TFRC: variants seen among roughly 807,000 people sequenced by gnomAD.
TFRC encodes transferrin receptor.
Under a neutral mutation model 85.8 loss-of-function variants are expected in TFRC, and 35 were observed. The observed-to-expected ratio is 0.41, with a 90% CI of 0.31 to 0.54. The LOEUF (loss-of-function observed/expected upper bound fraction) is 0.54. TFRC is among the 20% of genes least tolerant of loss of function. TFRC has a pLI of 0.31. For missense variants in TFRC, 828 were observed against 921.5 expected (o/e 0.90, Z 1.31); for synonymous variants, 362 against 328.6 (o/e 1.10, Z -1.10).
Position 196,053,546 on chromosome 3 carries a change from T to G in TFRC, c.1912A>C (p.Ser638Arg). 7 of 1,614,160 alleles carry G rather than the reference T, an allele frequency of 4.3e-6. No homozygotes were observed. The highest frequency in any genetic ancestry group is 5.1e-6 in the Non-Finnish European group (6 of 1,180,016). The change falls in exon 18 of 19, where the codon AGT (serine) becomes CGT (arginine). Residue 638 changes from serine (S) to arginine (R), a missense_variant. Coordinates refer to ENST00000360110, the MANE Select transcript of TFRC (RefSeq NM_001128148.3). ...YRADIKEMGLSLQWLYSARGD... is the reference protein window; with the variant it reads ...YRADIKEMGLRLQWLYSARGD... ...CGAGCAGAATACAGCCACTGTAAAC[T>G]CAGGCCCATTTCCTGAAACAGACAT... is the stretch of plus-strand genomic sequence containing the variant.
intron 18 of TFRC, among the ~76,000 whole-genome samples, chr3:196,052,846 C>T (rs781072211): frequency 3.3e-5 from 5 of 152,132 alleles, no homozygotes; most frequent in Non-Finnish European, 7.4e-5. Flanking sequence ...GGCACAGCGG[C>T]TCACGCTTGT....
Position 196,082,077 on chromosome 3 carries a change from T to C in TFRC, c.-58A>G, listed in dbSNP as rs1719244210. ...TCCTCCGTCCCGAGCCGCCACCCGA[T>C]ATCCCGACGCTCTGAGGGGATGGCG... On this transcript the variant is annotated 5_prime_UTR_variant, in exon 1 of 19. It adds an upstream start codon to the 5' untranslated region. Transcript: ENST00000360110. The C allele has an allele frequency of 6.5e-6, 1 of 153,762 alleles. No individual in the cohort carries two copies. The highest frequency in any genetic ancestry group is 1.4e-5 in the Non-Finnish European group (1 of 68,970). The allele number at this position is 153,762 out of a possible 1,614,324, so 9.5% of individuals were successfully genotyped here.
At chr3:196,059,132 G>A (rs543142254) in intron 14 of TFRC, among the ~76,000 whole-genome samples, 15 of 152,186 alleles carry the variant, frequency 9.9e-5, no homozygotes, top group Non-Finnish European at 2.1e-4. Flanking sequence ...TGGCCAACAT[G>A]GTGAAACCCC....
At position 196,053,511 on chromosome 3, in the gene TFRC, G is replaced by A. The variant is rs1380061776; in HGVS notation, c.1947C>T (p.Phe649=). 3 of 1,614,200 alleles carry A rather than the reference G, an allele frequency of 1.9e-6. No homozygotes were observed. The South Asian group carries it at 3.3e-5, about 18-fold the overall frequency. The stretch of plus-strand genomic sequence containing the variant: ...TTGTTAGTCTGGAAGTAGCACGGAA[G>A]AAGTCTCCACGAGCAGAATACAGCC... The part of the protein sequence containing the change: ...LQWLYSARGD[F]FRATSRLTTD... The change falls in exon 18 of 19, where the codon TTC becomes TTT. Residue 649 remains phenylalanine, a synonymous_variant. Coordinates refer to ENST00000360110, the MANE Select transcript of TFRC (RefSeq NM_001128148.3).
rs1285802051 is a variant in TFRC at position 196,065,571 on chromosome 3, C to T, written c.1070G>A (p.Trp357Ter). 6.2e-7 allele frequency: 1 copy of T among 1,610,440 alleles called. No homozygotes were observed. The highest frequency in any genetic ancestry group is 8.5e-7 in the Non-Finnish European group (1 of 1,179,148). The change falls in exon 10 of 19, where the codon TGG becomes TAG. Residue 357 changes from tryptophan to a stop codon, truncating the protein, a stop_gained. Transcript: ENST00000360110. LOFTEE classifies it high-confidence loss of function. Reference protein sequence around the residue: ...GNMEGDCPSDWKTDSTCRMVT... With the variant: ...GNMEGDCPSD ...CATCCTACATGTAGAGTCTGTTTTCCAGTCAGAGGGACAGTCTCCTTCCAT... is the reference window on the plus strand; with the variant it reads ...CATCCTACATGTAGAGTCTGTTTTCTAGTCAGAGGGACAGTCTCCTTCCAT...
rs755996766 is a variant in TFRC, at chr3:196,071,505, A to G, written c.585-7T>C. The G allele has an allele frequency of 3.6e-5, 58 of 1,613,644 alleles. No individual in the cohort carries two copies. The highest frequency in any genetic ancestry group is 4.7e-5 in the Non-Finnish European group (55 of 1,179,696). On this transcript the variant is annotated splice_region_variant and splice_polypyrimidine_tract_variant and intron_variant, in intron 5 of 18. Transcript: ENST00000360110. Reference sequence around the variant, plus strand: ...GATCACCGAGTTTTGAGCGCTGTTAAAAAGATTAAGTTAAAATAAGCCTAA... The same window carrying G: ...GATCACCGAGTTTTGAGCGCTGTTAGAAAGATTAAGTTAAAATAAGCCTAA...
In TFRC at chr3:196,080,145, G is replaced by A. The variant is rs77030234; in HGVS notation, c.-24+1898C>T. The stretch of plus-strand genomic sequence containing the variant: ...TTTTGAGATGGCATCTCGCTGTCGC[G>A]CAGGCTGGAGTGCAGTAGCACGATC... On this transcript the variant is annotated intron_variant, in intron 1 of 18. Transcript: ENST00000360110. Among the ~76,000 whole-genome samples the A allele has an allele frequency of 4.6e-3, 694 of 152,208 alleles. 32 individuals are homozygous for A. In the East Asian group the frequency reaches 0.077, roughly 17 times the overall value.
intron 6 of TFRC, among the ~76,000 whole-genome samples, chr3:196,070,538 C>A (rs1014200538): frequency 1.3e-5 from 2 of 151,958 alleles, no homozygotes; most frequent in East Asian, 3.9e-4. Flanking sequence ...CAGGCGTGAG[C>A]CACCACGCCC....
chr3:196,069,691 C>G (rs905336284), intron 6 of TFRC, 123 bp from the exon 7 acceptor site: 15 of 559,870 alleles, frequency 2.7e-5, no homozygotes, highest in Non-Finnish European at 1.2e-5. Flanking sequence ...TAAAAGGAGG[C>G]CAAGGCCTAA....
chr3:196,053,177 G>A (rs1048800238), intron 18 of TFRC, among the ~76,000 whole-genome samples: 2 of 152,108 alleles, frequency 1.3e-5, no homozygotes, highest in Non-Finnish European at 2.9e-5. Flanking sequence ...CTTTAAATGT[G>A]TTCAGATTCT....
Position 196,058,598 on chromosome 3 carries a change from T to C in TFRC, c.1571A>G (p.Gln524Arg), listed in dbSNP as rs1314305482. The C allele has an allele frequency of 6.2e-7, 1 of 1,611,450 alleles. No individual in the cohort carries two copies. Among genetic ancestry groups the C allele is most frequent in the Non-Finnish European group, 8.5e-7 (1 of 1,179,214 alleles). ...KHPVTGQFLY[Q>R]DSNWASKVEK... ...CACTTTGCTGGCCCAGTTGCTGTCCTGATATAGAAATTGCCCAGTAACCGG... is the reference window on the plus strand; with the variant it reads ...CACTTTGCTGGCCCAGTTGCTGTCCCGATATAGAAATTGCCCAGTAACCGG... The change falls in exon 15 of 19, where the codon CAG becomes CGG. Residue 524 changes from glutamine to arginine, a missense_variant. Transcript: ENST00000360110.
chr3:196,074,110 T>C lies in TFRC; in HGVS notation c.254A>G (p.Tyr85Cys), dbSNP rs780608997. 9 of 1,612,836 alleles carry C rather than the reference T, an allele frequency of 5.6e-6. No homozygotes were observed. The highest frequency in any genetic ancestry group is 7.6e-6 in the Non-Finnish European group (9 of 1,179,410). ...VFFLIGFMIGYLGYCKGVEPK... is the reference protein window; with the variant it reads ...VFFLIGFMIGCLGYCKGVEPK... Reference sequence around the variant, plus strand: ...TTCTACCCCTTTACAATAGCCCAAGTAGCCAATCATAAATCCTAAAGAGAC... The same window carrying C: ...TTCTACCCCTTTACAATAGCCCAAGCAGCCAATCATAAATCCTAAAGAGAC... Residue 85 changes from tyrosine to cysteine, a missense_variant, in exon 4 of 19, where the codon TAC becomes TGC. Tyr to Cys is a radical substitution (Grantham distance 194). Transcript: ENST00000360110.
chr3:196,064,542 G>A (rs940251382), intron 10 of TFRC, 114 bp from the exon 11 acceptor site: 2 of 917,280 alleles, frequency 2.2e-6, no homozygotes, highest in Non-Finnish European at 2.9e-6. Context: ...AAGGATAAAA[G>A]AGCCTTACTT....
intron 3 of TFRC, 100 bp downstream of exon 3, chr3:196,075,059 A>AAG: frequency 2.9e-6 from 2 of 698,204 alleles, no homozygotes; most frequent in Non-Finnish European, 2.2e-6. Context: ...AAAAAAAAAA[A>AAG]AAAAAAATAA....
In TFRC at chr3:196,050,027, C is replaced by T. The variant is rs1716180385; in HGVS notation, c.*1915G>A. On this transcript the variant is annotated 3_prime_UTR_variant, in exon 19 of 19. Transcript: ENST00000360110. ...CATACCTACATTTAATTGATCACCACGAATGGGTAGGCAGACGTGTCAGAC... is the reference window on the plus strand; with the variant it reads ...CATACCTACATTTAATTGATCACCATGAATGGGTAGGCAGACGTGTCAGAC... The T allele has an allele frequency of 1.3e-5, 3 of 231,156 alleles. No homozygotes were observed. Among genetic ancestry groups the T allele is most frequent in the African/African-American group, 2.2e-5 (1 of 45,202 alleles). 14.3% of individuals were successfully genotyped at this position (231,156 alleles called of 1,614,324 possible).
At chr3:196,072,963 G>T (rs1306694107) in intron 4 of TFRC, 2 of 149,884 alleles carry the variant, frequency 1.3e-5, no homozygotes, top group African/African-American at 4.9e-5. Flanking sequence ...CACTTTGGGA[G>T]CCAAGACAGG....
chr3:196,073,049 A>AC (rs748094883), intron 4 of TFRC, among the ~76,000 whole-genome samples: 16,465 of 93,758 alleles, frequency 0.18, 1,356 homozygotes, highest in Middle Eastern at 0.29. Flanking sequence ...AAAAAAAAAA[A>AC]AAAAAAAAAA....
At chr3:196,067,250 C>T (rs1220511226) in intron 9 of TFRC, among the ~76,000 whole-genome samples, 1 of 152,232 alleles carries the variant, frequency 6.6e-6, no homozygotes, top group African/African-American at 2.4e-5. Flanking sequence ...AGTACTTGAG[C>T]AGAAGCTATG....
chr3:196,070,107 G>C (rs1212339439), intron 6 of TFRC, among the ~76,000 whole-genome samples: 1 of 152,094 alleles, frequency 6.6e-6, no homozygotes, highest in African/African-American at 2.4e-5. Flanking sequence ...AATCTTCAAT[G>C]TTCTTTAACA....
Sources: allele counts gnomAD v4.1 joint callset (sites outside exome capture counted in the v4.1 genomes callset), GRCh38; gene constraint gnomAD v4.1.1; transcripts MANE v1.5; gene names NCBI Gene and HGNC (gene_info 2026-07-23, HGNC 2026-07-21).